The following PDE11A variants were observed in gnomAD, a reference collection of about 807,000 sequenced individuals.
The protein encoded by PDE11A is phosphodiesterase 11A, also known as dual 3',5'-cyclic-AMP and -GMP phosphodiesterase 11A.
PDE11A carries 100 observed loss-of-function variants against 100.5 expected under a neutral mutation model. The ratio of observed to expected loss-of-function variants is 1.00; its 90% CI spans 0.85 to 1.18. PDE11A has a LOEUF of 1.18. PDE11A is among the 50% of genes most tolerant of loss of function. The pLI, the probability that PDE11A is intolerant of heterozygous loss-of-function variation, is 0.00. For missense variants in PDE11A, 1,141 were observed against 1,152.6 expected (o/e 0.99, Z 0.15); for synonymous variants, 381 against 420.8 (o/e 0.91, Z 1.16).
intron 5 of PDE11A, among the ~76,000 whole-genome samples, chr2:177,869,254 C>A (rs2084083520): frequency 6.6e-6 from 1 of 152,212 alleles, no homozygotes; most frequent in Non-Finnish European, 1.5e-5. Context: ...TCATGACGTG[C>A]TGGATTTGCT....
chr2:177,769,279 A>G lies in PDE11A; in HGVS notation c.1788+44T>C, dbSNP rs753326963. 12 of 1,133,358 alleles carry G rather than the reference A, an allele frequency of 1.1e-5. No homozygotes were observed. The South Asian group carries it at 1.5e-4, about 14-fold the overall frequency. The allele number at this position is 1,133,358 out of a possible 1,614,324, so 70.2% of individuals were successfully genotyped here. A position where few individuals can be genotyped will look rare whatever the true frequency, so the allele number is the denominator to read the frequency against. On this transcript the variant is annotated intron_variant, in intron 10 of 19. Transcript: ENST00000286063. ...TGACAGAGCTCAGGAGGCCAGGAGA[A>G]GTTTAACTGTATGCACTAATAAGGA...
At chr2:178,017,675 G>A (rs559534142) in intron 1 of PDE11A, among the ~76,000 whole-genome samples, 2 of 152,068 alleles carry the variant, frequency 1.3e-5, no homozygotes, top group African/African-American at 2.4e-5. Context: ...AAAACAATTC[G>A]GGGGGCCAGG....
At chr2:177,652,600 T>C (rs542690933) in intron 19 of PDE11A, among the ~76,000 whole-genome samples, 2 of 152,140 alleles carry the variant, frequency 1.3e-5, no homozygotes, top group South Asian at 4.2e-4. Context: ...GGTGGTGACA[T>C]GGAGCCTTGA....
Position 177,643,170 on chromosome 2 carries a change from T to A in PDE11A, c.2647-13608A>T, listed in dbSNP as rs115716126. On this transcript the variant is annotated intron_variant, in intron 19 of 19. Transcript: ENST00000286063. ...GCATTGCTGAAAAGACACCCGAATA[T>A]GTGGAAGCAACTTTGGAACTGGGTA... Among the ~76,000 whole-genome samples, 250 of 152,286 alleles carry A rather than the reference T, an allele frequency of 1.6e-3. 1 individual carries two copies. Among genetic ancestry groups the A allele is most frequent in the African/African-American group, 5.4e-3 (225 of 41,548 alleles).
chr2:177,951,314 G>T (rs2085503101), intron 2 of PDE11A, among the ~76,000 whole-genome samples: 1 of 152,218 alleles, frequency 6.6e-6, no homozygotes, highest in Admixed American at 6.5e-5. Context: ...CTGGATTCTA[G>T]TGAAAGTTTA....
At chr2:178,006,524 G>T (rs981166836) in intron 2 of PDE11A, among the ~76,000 whole-genome samples, 5 of 152,092 alleles carry the variant, frequency 3.3e-5, no homozygotes, top group African/African-American at 7.2e-5. Context: ...CCACAGCCAT[G>T]ACACCATGGC....
At chr2:177,845,381 A>C (rs2083572885) in intron 5 of PDE11A, among the ~76,000 whole-genome samples, 1 of 144,622 alleles carries the variant, frequency 6.9e-6, no homozygotes, top group Non-Finnish European at 1.5e-5. Flanking sequence ...GGCGCTCCTC[A>C]CATCCCAGAC....
At chr2:177,878,550 G>A (rs183694842) in intron 4 of PDE11A, among the ~76,000 whole-genome samples, 19 of 152,250 alleles carry the variant, frequency 1.2e-4, no homozygotes, top group Admixed American at 3.9e-4. Context: ...ACATTTTCCT[G>A]CAAATGAGGG....
chr2:177,795,136 C>G (rs10185318), intron 9 of PDE11A, among the ~76,000 whole-genome samples: 4 of 151,916 alleles, frequency 2.6e-5, no homozygotes, highest in Admixed American at 6.6e-5. Flanking sequence ...TTTCATTCTA[C>G]GGGATGAATT....
At chr2:177,807,116 T>A (rs1395731203) in intron 9 of PDE11A, among the ~76,000 whole-genome samples, 1 of 152,032 alleles carries the variant, frequency 6.6e-6, no homozygotes, top group Non-Finnish European at 1.5e-5. Context: ...TTTATGTACA[T>A]CATAGTCAAA....
At chr2:177,764,395 G>A (rs2082211975) in intron 10 of PDE11A, among the ~76,000 whole-genome samples, 1 of 152,108 alleles carries the variant, frequency 6.6e-6, no homozygotes, top group Non-Finnish European at 1.5e-5. Flanking sequence ...TTGAAGGAAG[G>A]GATGATACAA....
At chr2:177,938,286 A>T (rs781608900) in intron 2 of PDE11A, among the ~76,000 whole-genome samples, 2 of 152,168 alleles carry the variant, frequency 1.3e-5, no homozygotes, top group African/African-American at 4.8e-5. Flanking sequence ...ATCATCACAC[A>T]TGGAAACTCC....
chr2:178,064,844 C>CT (rs80027041), intron 1 of PDE11A, among the ~76,000 whole-genome samples: 17 of 150,426 alleles, frequency 1.1e-4, no homozygotes, highest in East Asian at 1.9e-4. Context: ...TAGGTTTCCC[C>CT]TTTTTTTTTC....
At chr2:178,038,238 C>T (rs2086641574) in intron 1 of PDE11A, among the ~76,000 whole-genome samples, 1 of 151,742 alleles carries the variant, frequency 6.6e-6, no homozygotes, top group African/African-American at 2.4e-5. Flanking sequence ...TAACTATCAC[C>T]CCCACCAAAG....
At chr2:177,695,677 T>C (rs967676729) in intron 15 of PDE11A, among the ~76,000 whole-genome samples, 11 of 152,182 alleles carry the variant, frequency 7.2e-5, no homozygotes, top group Non-Finnish European at 1.6e-4. Context: ...CTCCAGAGGA[T>C]ACATTTCTGG....
intron 2 of PDE11A, among the ~76,000 whole-genome samples, chr2:178,103,662 G>A (rs1357310064): frequency 6.6e-6 from 1 of 151,326 alleles, no homozygotes; most frequent in Non-Finnish European, 1.5e-5. Flanking sequence ...TTGAAAAAAG[G>A]TGATATATAT....
chr2:177,739,114 G>C (rs1339111907), intron 10 of PDE11A, among the ~76,000 whole-genome samples: 1 of 152,232 alleles, frequency 6.6e-6, no homozygotes, highest in Non-Finnish European at 1.5e-5. Context: ...CTCAAGGCCT[G>C]TGAAATGGTA....
At chr2:178,095,190 C>T (rs2087472078) in intron 2 of PDE11A, among the ~76,000 whole-genome samples, 1 of 152,184 alleles carries the variant, frequency 6.6e-6, no homozygotes, top group African/African-American at 2.4e-5. Context: ...AGGTGAGTCC[C>T]TTCCTCCTAT....
chr2:177,744,183 A>G (rs1366098092), intron 10 of PDE11A, among the ~76,000 whole-genome samples: 1 of 152,176 alleles, frequency 6.6e-6, no homozygotes, highest in Non-Finnish European at 1.5e-5. Context: ...GGGGAAGGGA[A>G]TAAAGGGATG....
Sources: allele counts gnomAD v4.1 joint callset (sites outside exome capture counted in the v4.1 genomes callset), GRCh38; gene constraint gnomAD v4.1.1; transcripts MANE v1.5; gene names NCBI Gene and HGNC (gene_info 2026-07-23, HGNC 2026-07-21).